Variants in RIF1 observed in about 807,000 individuals in gnomAD.
The protein encoded by RIF1 is telomere-associated protein RIF1.
RIF1 carries 45 observed loss-of-function variants against 247.1 expected under a neutral mutation model. That is an observed-to-expected ratio of 0.18 (90% CI 0.14 to 0.23). RIF1 has a LOEUF of 0.23. RIF1 is among the 10% of genes least tolerant of loss of function. The pLI, the probability that RIF1 is intolerant of heterozygous loss-of-function variation, is 1.00. For missense variants in RIF1, 2,967 were observed against 2,862.5 expected (o/e 1.04, Z -0.83); for synonymous variants, 1,087 against 978.8 (o/e 1.11, Z -2.06).
chr2:151,422,533 T>A (rs1050769189), intron 7 of RIF1, among the ~76,000 whole-genome samples: 4 of 151,080 alleles, frequency 2.6e-5, no homozygotes, highest in Non-Finnish European at 5.9e-5. Flanking sequence ...ACAGTCTTGC[T>A]CTGTCGCCCA....
At chr2:151,421,093 ATTG>A (rs1688089626) in intron 7 of RIF1, among the ~76,000 whole-genome samples, 1 of 152,224 alleles carries the variant, frequency 6.6e-6, no homozygotes, top group Non-Finnish European at 1.5e-5. Flanking sequence ...TTTTCTAACC[ATTG>A]TTGTTCTAAC....
chr2:151,528,518 CG>C, the RIF1 span, among the ~76,000 whole-genome samples: 1 of 152,150 alleles, frequency 6.6e-6, no homozygotes, highest in Admixed American at 6.5e-5. Context: ...TCCTTCTATC[CG>C]TCTGCCCTCA....
chr2:151,486,661 T>TGGGTAGTAACAAGAATG (rs567125126), downstream of RIF1: 2 of 152,246 alleles, frequency 1.3e-5, no homozygotes, highest in South Asian at 2.1e-4. Flanking sequence ...GATCTATTAT[T>TGGGTAGTAACAAGAATG]GGGTAGTAAC....
At chr2:151,430,912 C>T (rs559244151) in intron 9 of RIF1, among the ~76,000 whole-genome samples, 1 of 152,282 alleles carries the variant, frequency 6.6e-6, no homozygotes, top group South Asian at 2.1e-4. Flanking sequence ...CCTCAGCCTT[C>T]CAAAGTGTTA....
chr2:151,492,661 A>G, intron 9 of RIF1: 1 of 429,134 alleles, frequency 2.3e-6, no homozygotes, highest in Non-Finnish European at 4.1e-6. Flanking sequence ...TGGGGACCAG[A>G]AGGGCCCGCC....
intron 20 of RIF1, among the ~76,000 whole-genome samples, chr2:151,450,616 C>T (rs186070444): frequency 4.6e-5 from 7 of 151,676 alleles, no homozygotes; most frequent in Non-Finnish European, 8.8e-5. Context: ...GACGGAGCCT[C>T]GCTCTGTCGC....
At chr2:151,518,167 A>G in the RIF1 span, 2 of 670,658 alleles carry the variant, frequency 3.0e-6, no homozygotes, top group Non-Finnish European at 5.4e-6. Context: ...AATTTATAAC[A>G]TAAGAATTTG....
intron 6 of RIF1, among the ~76,000 whole-genome samples, chr2:151,417,415 G>A (rs1211221472): frequency 1.3e-5 from 2 of 152,100 alleles, no homozygotes; most frequent in Non-Finnish European, 2.9e-5. Flanking sequence ...ACTGTTGAAT[G>A]CTCTGATTGA....
chr2:151,457,941 T>A lies in RIF1; in HGVS notation c.2833T>A (p.Leu945Met). Residue 945 changes from leucine (L) to methionine (M), a missense_variant, in exon 24 of 36, where the codon TTG becomes ATG. Around this residue, in one of 7 missense-constraint regions of RIF1, gnomAD observed 2,028 missense variants for 1,825.6 expected, o/e 1.11. Transcript: ENST00000444746. ...WNATFAKVMM[L>M]VYPEELKPVL... ...TGCCACTTTTGCCAAAGTGATGATG[T>A]TGGTTTATCCTGAAGAGTTAAAGTA... 6.2e-7 allele frequency: 1 copy of A among 1,613,694 alleles called. No individual in the cohort carries two copies. Among genetic ancestry groups the A allele is most frequent in the Non-Finnish European group, 8.5e-7 (1 of 1,179,764 alleles).
At chr2:151,520,007 A>G in the RIF1 span, 3 of 320,774 alleles carry the variant, frequency 9.4e-6, no homozygotes, top group African/African-American at 4.3e-5. Flanking sequence ...ATTCCAAGGT[A>G]TAAAAAGTAA....
In RIF1 at chr2:151,464,096, T is replaced by A; in HGVS notation, c.4576T>A (p.Ser1526Thr). The change falls in exon 30 of 36, where the codon TCT (serine) becomes ACT (threonine). Residue 1526 changes from serine (S) to threonine (T), a missense_variant. Around this residue, in one of 7 missense-constraint regions of RIF1, gnomAD observed 2,028 missense variants for 1,825.6 expected, o/e 1.11. Transcript: ENST00000444746. ...TACCCAGGACATTGTAGATAAGTCC[T>A]CTGAGAAACTAGTCAGAGGCCGAAC... Reference protein sequence around the residue: ...DGTQDIVDKSSEKLVRGRTRY... With the variant: ...DGTQDIVDKSTEKLVRGRTRY... 6.2e-7 allele frequency: 1 copy of A among 1,612,888 alleles called. No individual in the cohort carries two copies. The highest frequency in any genetic ancestry group is 8.5e-7 in the Non-Finnish European group (1 of 1,179,744).
At position 151,499,547 on chromosome 2, in the gene RIF1, A is replaced by G. The variant is rs186945674; in HGVS notation, c.*709+7A>G. 1.2e-5 allele frequency: 6 copies of G among 518,454 alleles called. No homozygotes were observed. The Admixed American group carries it at 1.5e-4, about 13-fold the overall frequency. The allele number at this position is 518,454 out of a possible 1,614,324, so 32.1% of individuals were successfully genotyped here. ...TGTTCAGGCACAGATCTGGGTGAGA[A>G]CATGTTTTGTATTTCCTTAGTGAAA... On this transcript the variant is annotated splice_region_variant and intron_variant and NMD_transcript_variant, in intron 11 of 13. Transcript: ENST00000454583.
At chr2:151,506,687 A>T (rs148705319) in intron 13 of RIF1, among the ~76,000 whole-genome samples, 2 of 152,224 alleles carry the variant, frequency 1.3e-5, no homozygotes, top group African/African-American at 4.8e-5. Flanking sequence ...GGATTAAAAA[A>T]TTTAAAAATA....
At chr2:151,512,434 T>G (rs2075263294), downstream of RIF1, among the ~76,000 whole-genome samples, 1 of 152,018 alleles carries the variant, frequency 6.6e-6, no homozygotes, top group South Asian at 2.1e-4. Flanking sequence ...CAATTGATCT[T>G]CCCACCTCAG....
chr2:151,521,852 C>T, the RIF1 span, among the ~76,000 whole-genome samples: 5 of 152,314 alleles, frequency 3.3e-5, no homozygotes, highest in East Asian at 9.6e-4. Context: ...GAGTTCAGCA[C>T]TTTTGGCCTT....
intron 8 of RIF1, among the ~76,000 whole-genome samples, chr2:151,423,979 C>T (rs141244546): frequency 6.6e-6 from 1 of 152,186 alleles, no homozygotes; most frequent in Non-Finnish European, 1.5e-5. Flanking sequence ...TGCACCCAGA[C>T]ATCACCCTTT....
chr2:151,424,270 AT>A (rs1489203859), intron 8 of RIF1, among the ~76,000 whole-genome samples: 1 of 152,010 alleles, frequency 6.6e-6, no homozygotes, highest in Non-Finnish European at 1.5e-5. Flanking sequence ...TGTCCGGCTA[AT>A]TTTTGTGTTT....
downstream of RIF1, among the ~76,000 whole-genome samples, chr2:151,484,154 C>A (rs916421485): frequency 3.7e-4 from 56 of 152,076 alleles, no homozygotes; most frequent in Non-Finnish European, 1.5e-4. Flanking sequence ...GGATGTGGAA[C>A]TCAAGGATCT....
the RIF1 span, chr2:151,513,781 A>G: frequency 9.4e-5 from 83 of 880,486 alleles, no homozygotes; most frequent in South Asian, 2.2e-4. Context: ...TCCACATAAC[A>G]CGCCACCCCA....
Sources: gnomAD v4.1 joint callset for allele counts (sites outside exome capture counted in the v4.1 genomes callset) on GRCh38, gnomAD v4.1.1 for gene constraint, gnomAD v4.1.1 regional missense constraint, MANE v1.5 for transcripts, NCBI Gene and HGNC (gene_info 2026-07-23, HGNC 2026-07-21) for gene names.